DKK2: variants seen among roughly 807,000 people sequenced by gnomAD.
DKK2 encodes dickkopf Wnt signaling pathway inhibitor 2, also known as dickkopf-related protein 2.
In DKK2, 11 loss-of-function variants were observed where a neutral mutation model predicts 28.1. The observed-to-expected ratio is 0.39, with a 90% CI of 0.25 to 0.65. DKK2 has a LOEUF of 0.65. Ranked by LOEUF, DKK2 falls within the 30% of genes least tolerant of loss-of-function variation. The probability of loss-of-function intolerance (pLI) is 0.47; values close to 1 mark genes in which losing one functional copy is unlikely to be tolerated. For missense variants in DKK2, 326 were observed against 335.5 expected (o/e 0.97, Z 0.22); for synonymous variants, 135 against 126.5 (o/e 1.07, Z -0.45).
At chr4:107,008,581 T>C (rs1723472447) in intron 1 of DKK2, among the ~76,000 whole-genome samples, 1 of 151,988 alleles carries the variant, frequency 6.6e-6, no homozygotes, top group Non-Finnish European at 1.5e-5. Context: ...CATAGACTTG[T>C]AACTTATATT....
At chr4:107,007,312 G>A (rs572870902) in intron 1 of DKK2, among the ~76,000 whole-genome samples, 1 of 152,078 alleles carries the variant, frequency 6.6e-6, no homozygotes, top group South Asian at 2.1e-4. Flanking sequence ...AACATTTTAA[G>A]TTCTTTATCA....
Position 107,007,444 on chromosome 4 carries a change from TC to T in DKK2, c.222+27925del, listed in dbSNP as rs1202866679. ...AAAATAATCAGAGTGACTCCGTTTA[TC>T]CATAGATTTGAAATGTCATGCATAT... On this transcript the variant is annotated intron_variant, in intron 1 of 3. Transcript: ENST00000285311. Among the ~76,000 whole-genome samples the T allele has an allele frequency of 7.2e-5, 11 of 152,306 alleles. No individual in the cohort carries two copies. The South Asian group carries it at 2.1e-3, about 29-fold the overall frequency.
chr4:107,023,866 CCCTT>C (rs1723731473), intron 1 of DKK2, among the ~76,000 whole-genome samples: 1 of 151,920 alleles, frequency 6.6e-6, no homozygotes, highest in African/African-American at 2.4e-5. Flanking sequence ...ACAAATTTTG[CCCTT>C]ATATTATTAT....
At chr4:106,974,225 C>G (rs1722909286) in intron 1 of DKK2, among the ~76,000 whole-genome samples, 1 of 151,976 alleles carries the variant, frequency 6.6e-6, no homozygotes. Context: ...GCTATATGGG[C>G]TCTTTTTTGG....
Position 106,964,960 on chromosome 4 carries a change from T to TATAGATG in DKK2, c.223-39012_223-39011insCATCTAT, listed in dbSNP as rs1553922186. Among the ~76,000 whole-genome samples the TATAGATG allele has an allele frequency of 5.8e-3, 845 of 146,396 alleles. 3 individuals carry two copies. The highest frequency in any genetic ancestry group is 9.5e-3 in the Non-Finnish European group (634 of 66,584). ...GATAGATTAGATATAGATAGATAGA[T>TATAGATG]ATAGATAGATAGATAGATAGATAGA... On this transcript the variant is annotated intron_variant, in intron 1 of 3. Transcript: ENST00000285311.
At chr4:106,925,147 T>C (rs1462858449) in intron 2 of DKK2, among the ~76,000 whole-genome samples, 3 of 152,136 alleles carry the variant, frequency 2.0e-5, no homozygotes, top group African/African-American at 7.2e-5. Flanking sequence ...TGCAAGAGAC[T>C]CACAGTAGGT....
rs563799793 is a variant in DKK2, at chr4:106,940,625, C to A, written c.223-14676G>T. 3.1e-3 allele frequency among the ~76,000 whole-genome samples: 459 copies of A among 150,468 alleles called. 29 individuals are homozygous for A. In the South Asian group the frequency reaches 0.096, roughly 32 times the overall value. ...CATTACTGGGTATATACCCAAAGGACTATAAATCATGCTGCTATAAAGACA... is the reference window on the plus strand; with the variant it reads ...CATTACTGGGTATATACCCAAAGGAATATAAATCATGCTGCTATAAAGACA... On this transcript the variant is annotated intron_variant, in intron 1 of 3. Coordinates refer to ENST00000285311, the MANE Select transcript of DKK2 (RefSeq NM_014421.3).
chr4:106,960,057 T>C (rs1442448376), intron 1 of DKK2, among the ~76,000 whole-genome samples: 1 of 151,124 alleles, frequency 6.6e-6, no homozygotes, highest in East Asian at 1.9e-4. Context: ...TGATTCACAA[T>C]TGCAAAGATA....
chr4:106,956,273 C>T lies in DKK2; in HGVS notation c.223-30324G>A, dbSNP rs113843443. ...AAAAGGATACAAACAAATGGAAGAA[C>T]ATTCCATGCTCATGGGTAGGAAGAA... On this transcript the variant is annotated intron_variant, in intron 1 of 3. Coordinates refer to ENST00000285311, the MANE Select transcript of DKK2 (RefSeq NM_014421.3). Among the ~76,000 whole-genome samples, 778 of 152,262 alleles carry T rather than the reference C, an allele frequency of 5.1e-3. 3 individuals carry two copies. The highest frequency in any genetic ancestry group is 0.017 in the African/African-American group (722 of 41,540).
intron 1 of DKK2, among the ~76,000 whole-genome samples, chr4:106,948,995 G>A (rs1724819641): frequency 6.6e-6 from 1 of 152,140 alleles, no homozygotes; most frequent in Non-Finnish European, 1.5e-5. Context: ...TGTTTAAGTT[G>A]AGGCCAATGT....
At chr4:106,936,216 GA>G (rs1320870807) in intron 1 of DKK2, among the ~76,000 whole-genome samples, 2 of 151,888 alleles carry the variant, frequency 1.3e-5, no homozygotes, top group African/African-American at 4.8e-5. Flanking sequence ...TGAAAACTTT[GA>G]AAAAAATTTA....
chr4:106,950,604 C>T (rs1724844696), intron 1 of DKK2, among the ~76,000 whole-genome samples: 1 of 152,186 alleles, frequency 6.6e-6, no homozygotes, highest in South Asian at 2.1e-4. Context: ...TTACCCTGCT[C>T]CAGCCATGTT....
At chr4:106,955,770 A>G (rs1268313531) in intron 1 of DKK2, among the ~76,000 whole-genome samples, 1 of 152,064 alleles carries the variant, frequency 6.6e-6, no homozygotes, top group African/African-American at 2.4e-5. Context: ...CTATTTTACC[A>G]GAATACTGAT....
chr4:106,963,876 T>C (rs1487857730), intron 1 of DKK2, among the ~76,000 whole-genome samples: 1 of 152,198 alleles, frequency 6.6e-6, no homozygotes, highest in Admixed American at 6.6e-5. Flanking sequence ...TCTAACTCTA[T>C]TTTTCATTCT....
At chr4:106,933,866 C>A (rs981221356) in intron 1 of DKK2, among the ~76,000 whole-genome samples, 5 of 151,528 alleles carry the variant, frequency 3.3e-5, no homozygotes, top group Non-Finnish European at 7.4e-5. Context: ...ATTTCTGCAC[C>A]CAAAATGTAA....
In DKK2 at chr4:107,020,519, T is replaced by G. The variant is rs150680840; in HGVS notation, c.222+14851A>C. On this transcript the variant is annotated intron_variant, in intron 1 of 3. Coordinates refer to ENST00000285311, the MANE Select transcript of DKK2 (RefSeq NM_014421.3). ...TGGGGTTAAGAAGTTTAGTCTTTCC[T>G]CTTAATTTTAATAAGACAGGTTTGC... Among the ~76,000 whole-genome samples the G allele has an allele frequency of 5.6e-3, 856 of 152,206 alleles. 4 individuals carry two copies. The highest frequency in any genetic ancestry group is 9.7e-3 in the Non-Finnish European group (659 of 67,988).
chr4:106,964,766 C>T (rs929560892), intron 1 of DKK2, among the ~76,000 whole-genome samples: 2 of 152,076 alleles, frequency 1.3e-5, no homozygotes, highest in African/African-American at 4.8e-5. Flanking sequence ...GCCATAAGGA[C>T]ATACAATGGG....
chr4:106,933,088 C>T (rs1553920696), intron 1 of DKK2, among the ~76,000 whole-genome samples: 1 of 152,186 alleles, frequency 6.6e-6, no homozygotes, highest in Non-Finnish European at 1.5e-5. Context: ...ACAGACTCTT[C>T]TAATAGAGAT....
At position 106,940,762 on chromosome 4, in the gene DKK2, C is replaced by T. The variant is rs1437146811; in HGVS notation, c.223-14813G>A. On this transcript the variant is annotated intron_variant, in intron 1 of 3. Transcript: ENST00000285311. ...AAGAAAATGTGGCACATATACACCACGGAATACTATGCAGCCATAAAAAAG... is the reference window on the plus strand; with the variant it reads ...AAGAAAATGTGGCACATATACACCATGGAATACTATGCAGCCATAAAAAAG... Among the ~76,000 whole-genome samples the T allele has an allele frequency of 1.2e-4, 19 of 152,096 alleles. 1 individual carries two copies. The South Asian group carries it at 1.5e-3, about 12-fold the overall frequency.
Sources: allele counts gnomAD v4.1 joint callset (sites outside exome capture counted in the v4.1 genomes callset), GRCh38; gene constraint gnomAD v4.1.1; transcripts MANE v1.5; gene names NCBI Gene and HGNC (gene_info 2026-07-23, HGNC 2026-07-21).